CSMD1: variants seen among roughly 807,000 people sequenced by gnomAD.
CSMD1 encodes CUB and Sushi multiple domains 1.
In CSMD1, 213 loss-of-function variants were observed where a neutral mutation model predicts 417.5. The observed-to-expected ratio is 0.51, with a 90% CI of 0.46 to 0.57. The LOEUF is 0.57. CSMD1 is among the 20% of genes least tolerant of loss of function. The probability of loss-of-function intolerance (pLI) is 0.00; values close to 1 mark genes in which losing one functional copy is unlikely to be tolerated. For synonymous variants in CSMD1, 2,862 were observed against 1,736.8 expected, an observed-to-expected ratio of 1.65 and a Z score of -16.11; for missense variants, 6,923 against 4,529.7, an observed-to-expected ratio of 1.53 and a Z score of -15.17.
chr8:4,841,237 C>T (rs1432277695), intron 1 of CSMD1, among the ~76,000 whole-genome samples: 2 of 152,228 alleles, frequency 1.3e-5, no homozygotes, highest in Non-Finnish European at 2.9e-5. Flanking sequence ...GAAACAAGTG[C>T]AATGGCATGT....
intron 3 of CSMD1, among the ~76,000 whole-genome samples, chr8:4,269,207 C>T (rs902880836): frequency 5.3e-5 from 8 of 152,106 alleles, no homozygotes; most frequent in African/African-American, 1.9e-4. Flanking sequence ...CAGACCCGAG[C>T]CACCACACCC....
intron 3 of CSMD1, among the ~76,000 whole-genome samples, chr8:4,269,456 A>G: frequency 6.6e-6 from 1 of 152,160 alleles, no homozygotes; most frequent in East Asian, 1.9e-4. Flanking sequence ...TTAATCAAGT[A>G]TTTTTATCAG....
intron 26 of CSMD1, among the ~76,000 whole-genome samples, chr8:3,270,209 C>T (rs1000365220): frequency 1.3e-5 from 2 of 152,026 alleles, no homozygotes; most frequent in African/African-American, 4.8e-5. Context: ...GCCACCATGC[C>T]TTGCTAATTT....
intron 1 of CSMD1, among the ~76,000 whole-genome samples, chr8:4,819,449 A>T: frequency 6.6e-6 from 1 of 152,130 alleles, no homozygotes; most frequent in East Asian, 1.9e-4. Context: ...TGACTTATAG[A>T]AATATTATTG....
At chr8:3,947,551 C>G (rs1316764585) in intron 5 of CSMD1, among the ~76,000 whole-genome samples, 1 of 152,182 alleles carries the variant, frequency 6.6e-6, no homozygotes, top group Non-Finnish European at 1.5e-5. Flanking sequence ...CACGGGAAAG[C>G]TCCTTATATT....
chr8:3,930,249 C>A (rs1298196781), intron 5 of CSMD1, among the ~76,000 whole-genome samples: 11 of 150,264 alleles, frequency 7.3e-5, no homozygotes, highest in African/African-American at 2.5e-4. Flanking sequence ...CAAAGACTTT[C>A]CTCCCCATCT....
intron 21 of CSMD1, among the ~76,000 whole-genome samples, chr8:3,354,891 C>CTATCTATAGATCGATCTATAGATATCTA (rs1563303941): frequency 7.0e-6 from 1 of 142,202 alleles, no homozygotes; most frequent in African/African-American, 2.7e-5. Flanking sequence ...ATAGATATGT[C>CTATCTATAGATCGATCTATAGATATCTA]TATCTATAGA....
chr8:3,078,879 C>A (rs1182483296), intron 49 of CSMD1, among the ~76,000 whole-genome samples: 1 of 152,142 alleles, frequency 6.6e-6, no homozygotes, highest in Non-Finnish European at 1.5e-5. Flanking sequence ...TGTCTGACTG[C>A]ATGCGAGTTC....
At chr8:3,834,186 C>G (rs1802535942) in intron 5 of CSMD1, among the ~76,000 whole-genome samples, 1 of 152,028 alleles carries the variant, frequency 6.6e-6, no homozygotes, top group African/African-American at 2.4e-5. Flanking sequence ...ATTCTATCAA[C>G]AGTTATTTTA....
chr8:3,385,012 TATATAATATATAA>T lies in CSMD1; in HGVS notation c.2782+2469_2782+2481del, dbSNP rs1395009300. The stretch of plus-strand genomic sequence containing the variant: ...AATACATATGCTATTTATATATAAA[TATATAATATATAA>T]ATATAATATATATAATATATAAATA... On this transcript the variant is annotated intron_variant, in intron 18 of 69. Transcript: ENST00000635120. Among the ~76,000 whole-genome samples the T allele has an allele frequency of 4.0e-3, 59 of 14,722 alleles. 1 individual carries two copies. In the South Asian group the frequency reaches 0.13, roughly 32 times the overall value. 9.7% of individuals were successfully genotyped at this position (14,722 alleles called of 152,430 possible).
At position 4,008,853 on chromosome 8, in the gene CSMD1, G is replaced by A. The variant is rs772658180; in HGVS notation, c.611-10743C>T. ...TCTCGATCTCCTGACCTCCTGATCC[G>A]TCCGCCTCGGCCTCCCAAAGTGCTG... On this transcript the variant is annotated intron_variant, in intron 4 of 69. Transcript: ENST00000635120. 1.8e-4 allele frequency among the ~76,000 whole-genome samples: 28 copies of A among 151,666 alleles called. 1 individual carries two copies. The highest frequency in any genetic ancestry group is 4.1e-4 in the African/African-American group (17 of 41,280).
intron 3 of CSMD1, among the ~76,000 whole-genome samples, chr8:4,242,036 T>G (rs1359857217): frequency 6.6e-6 from 1 of 152,200 alleles, no homozygotes; most frequent in Non-Finnish European, 1.5e-5. Context: ...TAATACCTTT[T>G]GACTTTGTGA....
intron 1 of CSMD1, among the ~76,000 whole-genome samples, chr8:4,848,930 G>A (rs982714761): frequency 6.6e-6 from 1 of 152,148 alleles, no homozygotes; most frequent in Non-Finnish European, 1.5e-5. Flanking sequence ...GCTTTAGAAG[G>A]TACTTGTTCT....
chr8:4,412,664 G>C (rs569888659), intron 3 of CSMD1, among the ~76,000 whole-genome samples: 39 of 152,288 alleles, frequency 2.6e-4, no homozygotes, highest in Admixed American at 2.2e-3. Context: ...CTGATGCTAA[G>C]ATTTTCAGGG....
chr8:4,773,275 T>A (rs929280543), intron 1 of CSMD1, among the ~76,000 whole-genome samples: 1 of 148,366 alleles, frequency 6.7e-6, no homozygotes, highest in African/African-American at 2.5e-5. Context: ...TTAGGGATAC[T>A]CAATCTACAC....
At position 2,988,395 on chromosome 8, in the gene CSMD1, A is replaced by C. The variant is rs368221784; in HGVS notation, c.8378-9595T>G. 1.5e-3 allele frequency among the ~76,000 whole-genome samples: 229 copies of C among 152,332 alleles called. 2 individuals carry two copies. The highest frequency in any genetic ancestry group is 4.9e-3 in the African/African-American group (204 of 41,576). Reference sequence around the variant, plus strand: ...TCTTAATGTTTGCATGCAATACACAAATTATTAGACAAAGCAGGGAAACAG... The same window carrying C: ...TCTTAATGTTTGCATGCAATACACACATTATTAGACAAAGCAGGGAAACAG... On this transcript the variant is annotated intron_variant, in intron 54 of 69. Coordinates refer to ENST00000635120, the MANE Select transcript of CSMD1 (RefSeq NM_033225.6).
At chr8:3,900,287 C>T (rs754171337) in intron 5 of CSMD1, among the ~76,000 whole-genome samples, 5 of 149,826 alleles carry the variant, frequency 3.3e-5, no homozygotes, top group Non-Finnish European at 5.9e-5. Context: ...GACAGTGCAG[C>T]TGCGTGACAC....
chr8:3,738,099 G>T (rs1464848807), intron 6 of CSMD1, among the ~76,000 whole-genome samples: 1 of 152,158 alleles, frequency 6.6e-6, no homozygotes, highest in South Asian at 2.1e-4. Context: ...CATTAGCACT[G>T]TGTGGGCTCT....
intron 1 of CSMD1, among the ~76,000 whole-genome samples, chr8:4,663,159 C>A (rs1156953778): frequency 6.6e-6 from 1 of 152,138 alleles, no homozygotes; most frequent in East Asian, 1.9e-4. Flanking sequence ...CCTCTGGAAA[C>A]CCACTGGATC....
Sources: gnomAD v4.1 joint callset for allele counts (sites outside exome capture counted in the v4.1 genomes callset) on GRCh38, gnomAD v4.1.1 for gene constraint, MANE v1.5 for transcripts, NCBI Gene and HGNC (gene_info 2026-07-23, HGNC 2026-07-21) for gene names.